ABCA13: variants seen among roughly 807,000 people sequenced by gnomAD.
ABCA13 encodes ATP-binding cassette sub-family A member 13.
Under a neutral mutation model 478.7 loss-of-function variants are expected in ABCA13, and 476 were observed. The observed-to-expected ratio is 0.99, with a 90% CI of 0.92 to 1.07. The LOEUF (loss-of-function observed/expected upper bound fraction) is 1.07, where lower values mean the gene tolerates loss of function less well. Ranked by LOEUF, ABCA13 falls within the 50% of genes least tolerant of loss-of-function variation. ABCA13 has a pLI of 0.00. For missense variants in ABCA13, 6,060 were observed against 5,910.6 expected (o/e 1.03, Z -0.83); for synonymous variants, 2,252 against 2,158.9 (o/e 1.04, Z -1.20).
At chr7:48,637,226 G>A (rs752400294) in intron 59 of ABCA13, among the ~76,000 whole-genome samples, 4 of 151,734 alleles carry the variant, frequency 2.6e-5, no homozygotes, top group Non-Finnish European at 5.9e-5. Flanking sequence ...GTGGGGTGCT[G>A]GCTTTGAAGG....
At chr7:48,423,524 C>T (rs560103648) in intron 41 of ABCA13, among the ~76,000 whole-genome samples, 1 of 152,054 alleles carries the variant, frequency 6.6e-6, no homozygotes, top group Non-Finnish European at 1.5e-5. Context: ...AAACAGAGAA[C>T]CCAAAAGGAT....
At position 48,456,560 on chromosome 7, in the gene ABCA13, A is replaced by G. The variant is rs548279595; in HGVS notation, c.12815+1274A>G. 2.2e-4 allele frequency among the ~76,000 whole-genome samples: 34 copies of G among 152,366 alleles called. 1 individual carries two copies. The highest frequency in any genetic ancestry group is 3.4e-3 in the Middle Eastern group (1 of 294). ...CTACTGGGATAATCTGCCACATGATATACATAATACTTGTATCTACATGCA... is the reference window on the plus strand; with the variant it reads ...CTACTGGGATAATCTGCCACATGATGTACATAATACTTGTATCTACATGCA... On this transcript the variant is annotated intron_variant, in intron 43 of 61. Transcript: ENST00000435803.
rs201628642 is a variant in ABCA13, at chr7:48,411,047, C to T, written c.12228+370C>T. Among the ~76,000 whole-genome samples the T allele has an allele frequency of 2.7e-3, 162 of 59,324 alleles. 1 individual carries two copies. The highest frequency in any genetic ancestry group is 9.0e-3 in the African/African-American group (152 of 16,822). 38.9% of individuals were successfully genotyped at this position (59,324 alleles called of 152,430 possible). On this transcript the variant is annotated intron_variant, in intron 40 of 61. Transcript: ENST00000435803. ...TCTTTCTTTCTTTCTTTCTTTCTTT[C>T]TTTTTCTTTCTTTCTTTCTTTCTTT...
At chr7:48,235,906 G>A (rs1426411602) in intron 8 of ABCA13, among the ~76,000 whole-genome samples, 1 of 152,058 alleles carries the variant, frequency 6.6e-6, no homozygotes, top group Non-Finnish European at 1.5e-5. Flanking sequence ...TATAAAATAA[G>A]CTTTGTGTTA....
chr7:48,236,715 C>G (rs1047839887), intron 8 of ABCA13, among the ~76,000 whole-genome samples: 5 of 152,226 alleles, frequency 3.3e-5, no homozygotes, highest in Non-Finnish European at 7.3e-5. Flanking sequence ...ATCTCAAAGC[C>G]AGGTGATAAG....
chr7:48,451,949 C>A (rs898977242), intron 42 of ABCA13, among the ~76,000 whole-genome samples: 2 of 152,196 alleles, frequency 1.3e-5, no homozygotes, highest in Non-Finnish European at 2.9e-5. Context: ...CAATTCATAA[C>A]AATTTGGCCC....
intron 35 of ABCA13, among the ~76,000 whole-genome samples, chr7:48,382,448 G>C (rs1814536044): frequency 6.6e-6 from 1 of 152,122 alleles, no homozygotes; most frequent in Admixed American, 6.6e-5. Flanking sequence ...TGGGGAGTTG[G>C]GGGGCAGTCT....
intron 55 of ABCA13, 127 bp from the exon 56 acceptor site, chr7:48,580,097 T>C (rs1383094469): frequency 8.8e-6 from 9 of 1,021,172 alleles, no homozygotes; most frequent in Non-Finnish European, 1.2e-5. Context: ...GAACCTATTA[T>C]TGTGAAATGA....
chr7:48,272,695 C>A lies in ABCA13; in HGVS notation c.3029C>A (p.Ala1010Glu), dbSNP rs377050338. 6.2e-7 allele frequency: 1 copy of A among 1,611,994 alleles called. No individual in the cohort carries two copies. The highest frequency in any genetic ancestry group is 1.3e-5 in the African/African-American group (1 of 74,972). The change falls in exon 17 of 62, where the codon GCA (alanine) becomes GAA (glutamate). Residue 1010 changes from alanine (A) to glutamate (E), a missense_variant. Physicochemically the swap from Ala to Glu is moderately radical, Grantham distance 107. Around this residue, in one of 3 missense-constraint regions of ABCA13, gnomAD observed 4,423 missense variants for 4,309.1 expected, o/e 1.03. Coordinates refer to ENST00000435803, the MANE Select transcript of ABCA13 (RefSeq NM_152701.5). ...TTTAATTTCCAAAACATCAGTAAAGCATTTGCATTTTTATTTAAGACAGCA... is the reference window on the plus strand; with the variant it reads ...TTTAATTTCCAAAACATCAGTAAAGAATTTGCATTTTTATTTAAGACAGCA... ...KQFNFQNISK[A>E]FAFLFKTAEV...
intron 59 of ABCA13, among the ~76,000 whole-genome samples, chr7:48,618,970 A>G (rs1257091037): frequency 6.6e-6 from 1 of 152,218 alleles, no homozygotes; most frequent in East Asian, 1.9e-4. Flanking sequence ...GATAATAGGC[A>G]TGGTTAATAC....
chr7:48,220,610 A>G (rs943581775), intron 4 of ABCA13, among the ~76,000 whole-genome samples: 9 of 152,210 alleles, frequency 5.9e-5, no homozygotes, highest in African/African-American at 2.2e-4. Context: ...AGGATGGGGC[A>G]GGGCTGGCCA....
At chr7:48,444,056 G>T (rs1263883948) in intron 42 of ABCA13, among the ~76,000 whole-genome samples, 1 of 152,058 alleles carries the variant, frequency 6.6e-6, no homozygotes, top group Non-Finnish European at 1.5e-5. Flanking sequence ...CCTCTTCCTA[G>T]GTGAGGCTGA....
At chr7:48,395,276 G>A (rs533949328) in intron 38 of ABCA13, among the ~76,000 whole-genome samples, 7 of 152,156 alleles carry the variant, frequency 4.6e-5, no homozygotes, top group South Asian at 2.1e-4. Flanking sequence ...AGCCCAAGTC[G>A]CAGGGAGAGC....
chr7:48,198,148 G>A, intron 2 of ABCA13, 89 bp from the exon 3 acceptor site: 1 of 1,213,992 alleles, frequency 8.2e-7, no homozygotes, highest in Non-Finnish European at 1.1e-6. Flanking sequence ...ATAATAATAT[G>A]ATGTTATATA....
chr7:48,293,192 G>GCACCCC (rs748200533), intron 20 of ABCA13, among the ~76,000 whole-genome samples: 2 of 108,278 alleles, frequency 1.8e-5, no homozygotes, highest in Non-Finnish European at 3.9e-5. Context: ...GAAGTCTTCA[G>GCACCCC]CCCCCCCCCC....
In ABCA13 at chr7:48,403,847, G is replaced by T. The variant is rs762371979; in HGVS notation, c.12038G>T (p.Ser4013Ile). 1.2e-6 allele frequency: 2 copies of T among 1,613,654 alleles called. No individual in the cohort carries two copies. The highest frequency in any genetic ancestry group is 1.1e-5 in the South Asian group (1 of 91,008). Residue 4013 changes from serine (S) to isoleucine (I), a missense_variant, in exon 39 of 62, where the codon AGC becomes ATC. This residue lies in a region of ABCA13 where 1,627 missense variants were observed against 1,571.0 expected (regional missense o/e 1.04). Coordinates refer to ENST00000435803, the MANE Select transcript of ABCA13 (RefSeq NM_152701.5). ...GGGGTGGACCCTTGCTCCCGGCATAGCCTGTGGGACATTCTGCTCAAGTAC... is the reference window on the plus strand; with the variant it reads ...GGGGTGGACCCTTGCTCCCGGCATATCCTGTGGGACATTCTGCTCAAGTAC... ...TSGVDPCSRH[S>I]LWDILLKYRE...
In ABCA13 at chr7:48,269,022, G is replaced by A; in HGVS notation, c.2048G>A (p.Trp683Ter). The A allele has an allele frequency of 1.2e-6, 2 of 1,601,364 alleles. No individual in the cohort carries two copies. The highest frequency in any genetic ancestry group is 1.7e-6 in the Non-Finnish European group (2 of 1,170,640). ...ESPCFEENMD[W>*]KMISDNYFQF... ...CCTTGTTTTGAAGAAAACATGGATT[G>A]GAAAATGATCAGTGATAATTATTTT... The change falls in exon 16 of 62, where the codon TGG becomes TAG. Residue 683 changes from tryptophan (W) to a stop codon, truncating the protein, a stop_gained. Coordinates refer to ENST00000435803, the MANE Select transcript of ABCA13 (RefSeq NM_152701.5). LOFTEE classifies it high-confidence loss of function.
At chr7:48,320,814 T>G (rs1803338623) in intron 27 of ABCA13, among the ~76,000 whole-genome samples, 1 of 152,220 alleles carries the variant, frequency 6.6e-6, no homozygotes, top group African/African-American at 2.4e-5. Context: ...ACAGACCGTC[T>G]TATTTTCATC....
intron 35 of ABCA13, among the ~76,000 whole-genome samples, chr7:48,384,278 G>GT (rs1814832194): frequency 6.6e-6 from 1 of 152,188 alleles, no homozygotes; most frequent in Non-Finnish European, 1.5e-5. Context: ...CATTGTTCAC[G>GT]TATGTGTCAA....
Sources: gnomAD v4.1 joint callset for allele counts (sites outside exome capture counted in the v4.1 genomes callset) on GRCh38, gnomAD v4.1.1 for gene constraint, gnomAD v4.1.1 regional missense constraint, MANE v1.5 for transcripts, NCBI Gene and HGNC (gene_info 2026-07-23, HGNC 2026-07-21) for gene names.